The following MEGF10 variants were observed in gnomAD, a reference collection of about 807,000 sequenced individuals.
The protein encoded by MEGF10 is multiple EGF like domains 10, also known as multiple epidermal growth factor-like domains protein 10.
A neutral mutation model predicts 147.5 loss-of-function variants in MEGF10; 86 were observed. The observed-to-expected ratio is 0.58, with a 90% CI of 0.49 to 0.70. The LOEUF (loss-of-function observed/expected upper bound fraction) is 0.70. Among genes scored for constraint, MEGF10 ranks in the 30% least tolerant of loss-of-function variants. The pLI is 0.00. For missense variants in MEGF10, 1,329 were observed against 1,487.3 expected (o/e 0.89, Z 1.75); for synonymous variants, 478 against 525.5 (o/e 0.91, Z 1.24).
chr5:127,239,901 T>C, the MEGF10 span, among the ~76,000 whole-genome samples: 1 of 152,144 alleles, frequency 6.6e-6, no homozygotes, highest in Non-Finnish European at 1.5e-5. Context: ...ACCCTCATCC[T>C]TACTTCTACC....
chr5:127,380,841 G>A (rs1763231432), intron 5 of MEGF10, among the ~76,000 whole-genome samples: 1 of 152,098 alleles, frequency 6.6e-6, no homozygotes, highest in Non-Finnish European at 1.5e-5. Flanking sequence ...TAATGACTTG[G>A]CAGAAGATCC....
At chr5:127,264,107 G>A in the MEGF10 span, among the ~76,000 whole-genome samples, 4 of 152,002 alleles carry the variant, frequency 2.6e-5, no homozygotes, top group African/African-American at 7.2e-5. Context: ...TTCAATTTAG[G>A]CCCAGATGAC....
the MEGF10 span, among the ~76,000 whole-genome samples, chr5:127,265,479 C>T: frequency 6.6e-6 from 1 of 151,968 alleles, no homozygotes; most frequent in African/African-American, 2.4e-5. Flanking sequence ...GTTCTAGATC[C>T]TTGAGGAATT....
chr5:127,305,129 A>G (rs1172883266), intron 1 of MEGF10, among the ~76,000 whole-genome samples: 2 of 152,226 alleles, frequency 1.3e-5, no homozygotes, highest in African/African-American at 4.8e-5. Context: ...TTTATTTCCT[A>G]TCATACATTA....
At chr5:127,350,677 C>T (rs963227853) in intron 4 of MEGF10, among the ~76,000 whole-genome samples, 1 of 152,058 alleles carries the variant, frequency 6.6e-6, no homozygotes, top group Non-Finnish European at 1.5e-5. Flanking sequence ...GACCCCTGGG[C>T]CCTTCCCTTC....
chr5:127,282,011 T>C, the MEGF10 span, among the ~76,000 whole-genome samples: 19 of 152,234 alleles, frequency 1.2e-4, no homozygotes, highest in Non-Finnish European at 2.6e-4. Context: ...AGCTGCCTAC[T>C]ATCTCTTTCC....
intron 7 of MEGF10, 98 bp downstream of exon 7, chr5:127,398,894 G>T (rs1372369170): frequency 1.3e-6 from 2 of 1,522,204 alleles, no homozygotes; most frequent in African/African-American, 1.4e-5. Flanking sequence ...ACAAAGGAAA[G>T]TTACCATGAT....
the MEGF10 span, among the ~76,000 whole-genome samples, chr5:127,260,904 C>G: frequency 6.6e-6 from 1 of 152,122 alleles, no homozygotes; most frequent in African/African-American, 2.4e-5. Flanking sequence ...CCTCATTCCT[C>G]TGAAACTATT....
chr5:127,417,535 A>G, intron 9 of MEGF10, 103 bp from the exon 10 acceptor site: 2 of 1,139,186 alleles, frequency 1.8e-6, no homozygotes, highest in East Asian at 2.4e-5. Context: ...TCTGCATGGA[A>G]TTACCCACAC....
intron 13 of MEGF10, among the ~76,000 whole-genome samples, chr5:127,426,221 C>A (rs569577413): frequency 8.5e-5 from 13 of 152,174 alleles, no homozygotes; most frequent in Non-Finnish European, 1.8e-4. Flanking sequence ...TAACTTCAAC[C>A]CACTATCTAG....
chr5:127,335,232 A>G (rs1472871741), intron 2 of MEGF10, among the ~76,000 whole-genome samples: 1 of 152,080 alleles, frequency 6.6e-6, no homozygotes, highest in African/African-American at 2.4e-5. Flanking sequence ...GTGATGTTTG[A>G]GAGAGGATGG....
At chr5:127,401,830 C>T (rs915635688) in intron 7 of MEGF10, among the ~76,000 whole-genome samples, 18 of 152,180 alleles carry the variant, frequency 1.2e-4, no homozygotes, top group African/African-American at 4.3e-4. Flanking sequence ...ACAAGATGGA[C>T]AGCCTCTAGG....
chr5:127,341,676 A>G (rs2126802562), intron 4 of MEGF10, among the ~76,000 whole-genome samples: 1 of 152,298 alleles, frequency 6.6e-6, no homozygotes, highest in Middle Eastern at 3.4e-3. Flanking sequence ...TTAATAATAC[A>G]TGTTCATAGA....
chr5:127,397,111 C>A (rs1763946953), intron 6 of MEGF10, among the ~76,000 whole-genome samples: 1 of 152,168 alleles, frequency 6.6e-6, no homozygotes, highest in African/African-American at 2.4e-5. Flanking sequence ...CTGTTTGGAT[C>A]TCCCGAGAAT....
chr5:127,420,037 C>T lies in MEGF10; in HGVS notation c.1427-7C>T, dbSNP rs750999561. The T allele has an allele frequency of 1.5e-5, 25 of 1,613,340 alleles. No individual in the cohort carries two copies. The African/African-American group carries it at 1.6e-4, about 10-fold the overall frequency. ...CGCTCACGTGCTCTGGCGTTCTTGT[C>T]GCACAGGCTGGCACGGGGTGGACTG... is the stretch of plus-strand genomic sequence containing the variant. On this transcript the variant is annotated splice_polypyrimidine_tract_variant and splice_region_variant and intron_variant, in intron 11 of 24. Transcript: ENST00000503335.
intron 4 of MEGF10, among the ~76,000 whole-genome samples, chr5:127,364,559 A>C (rs1331777973): frequency 2.0e-5 from 3 of 152,216 alleles, no homozygotes; most frequent in Non-Finnish European, 4.4e-5. Context: ...AGAAAAAGAG[A>C]ATTCCCTTTC....
the MEGF10 span, among the ~76,000 whole-genome samples, chr5:127,236,520 G>T: frequency 7.5e-3 from 1,146 of 152,310 alleles, 12 homozygotes; most frequent in African/African-American, 0.026. Flanking sequence ...GATGTACAGT[G>T]TGTTCATCTC....
the MEGF10 span, among the ~76,000 whole-genome samples, chr5:127,248,431 T>G: frequency 2.0e-5 from 3 of 151,870 alleles, no homozygotes; most frequent in Non-Finnish European, 4.4e-5. Flanking sequence ...GATTTTGGAG[T>G]TAGAACACAG....
chr5:127,454,444 G>A, intron 22 of MEGF10, 122 bp from the exon 23 acceptor site: 1 of 756,882 alleles, frequency 1.3e-6, no homozygotes, highest in Non-Finnish European at 2.1e-6. Flanking sequence ...GTAAAGGCTT[G>A]AAGAGCAGCA....
Sources: allele counts gnomAD v4.1 joint callset (sites outside exome capture counted in the v4.1 genomes callset), GRCh38; gene constraint gnomAD v4.1.1; transcripts MANE v1.5; gene names NCBI Gene and HGNC (gene_info 2026-07-23, HGNC 2026-07-21).